Variants in GATAD2B observed in about 807,000 individuals in gnomAD.
GATAD2B encodes the protein GATA zinc finger domain containing 2B, also known as transcriptional repressor p66-beta.
A neutral mutation model predicts 64.3 loss-of-function variants in GATAD2B; 8 were observed. That is an observed-to-expected ratio of 0.12 (90% CI 0.07 to 0.22). The LOEUF (loss-of-function observed/expected upper bound fraction) is 0.22, where lower values mean the gene tolerates loss of function less well. GATAD2B is among the 10% of genes least tolerant of loss of function. The pLI is 1.00. For missense variants in GATAD2B, 453 were observed against 752.0 expected, an observed-to-expected ratio of 0.60 and a Z score of 4.65; for synonymous variants, 281 against 271.3, an observed-to-expected ratio of 1.04 and a Z score of -0.35.
chr1:153,845,714 C>T (rs1017681950), intron 1 of GATAD2B, among the ~76,000 whole-genome samples: 5 of 151,960 alleles, frequency 3.3e-5, no homozygotes, highest in Non-Finnish European at 7.4e-5. Flanking sequence ...TGAGCAATTG[C>T]ACCACTGCAC....
At chr1:153,889,275 G>C (rs1303418440) in intron 1 of GATAD2B, among the ~76,000 whole-genome samples, 2 of 151,848 alleles carry the variant, frequency 1.3e-5, no homozygotes, top group East Asian at 3.8e-4. Flanking sequence ...AGCAGGGCGT[G>C]GTGGCACATC....
intron 2 of GATAD2B, among the ~76,000 whole-genome samples, chr1:153,823,473 G>A (rs1674754311): frequency 6.6e-6 from 1 of 152,166 alleles, no homozygotes; most frequent in African/African-American, 2.4e-5. Flanking sequence ...TTATGACATG[G>A]CTATTATGTT....
intron 1 of GATAD2B, among the ~76,000 whole-genome samples, chr1:153,913,142 G>A (rs1429513548): frequency 6.6e-6 from 1 of 151,942 alleles, no homozygotes; most frequent in Non-Finnish European, 1.5e-5. Flanking sequence ...TGGCCAGGCT[G>A]GTCTGGAACT....
chr1:153,852,650 G>A (rs1189613282), intron 1 of GATAD2B: 3 of 852,468 alleles, frequency 3.5e-6, no homozygotes, highest in Non-Finnish European at 2.1e-6. Flanking sequence ...CAGAAGAACG[G>A]AGCTGAGAAA....
At chr1:153,815,243 A>G (rs1358776419) in intron 7 of GATAD2B, among the ~76,000 whole-genome samples, 3 of 141,176 alleles carry the variant, frequency 2.1e-5, no homozygotes, top group Non-Finnish European at 4.6e-5. Flanking sequence ...ACTGCACTCA[A>G]GCCTGGACAA....
At chr1:153,833,201 T>G (rs6427300) in intron 1 of GATAD2B, among the ~76,000 whole-genome samples, 62,404 of 151,734 alleles carry the variant, frequency 0.41, 13,947 homozygotes, top group Non-Finnish European at 0.52. Flanking sequence ...CTGGACAACA[T>G]AGCAAGACTC....
intron 1 of GATAD2B, among the ~76,000 whole-genome samples, chr1:153,878,194 G>A (rs1263159047): frequency 6.6e-6 from 1 of 151,046 alleles, no homozygotes; most frequent in Non-Finnish European, 1.5e-5. Context: ...TTTGAGACAG[G>A]GTCTCACTTT....
chr1:153,849,432 CA>C (rs1675810145), intron 1 of GATAD2B, among the ~76,000 whole-genome samples: 1 of 152,208 alleles, frequency 6.6e-6, no homozygotes, highest in Non-Finnish European at 1.5e-5. Flanking sequence ...CAAACATTCA[CA>C]AGATAGCAGA....
chr1:153,881,776 T>A (rs1677018136), intron 1 of GATAD2B, among the ~76,000 whole-genome samples: 1 of 137,248 alleles, frequency 7.3e-6, no homozygotes, highest in African/African-American at 2.5e-5. Flanking sequence ...GGGTTTAGGT[T>A]TTTTTCGTGT....
At chr1:153,852,361 G>A (rs757273897) in intron 1 of GATAD2B, 5 of 878,404 alleles carry the variant, frequency 5.7e-6, no homozygotes, top group African/African-American at 1.6e-5. Context: ...GATGTCGCCT[G>A]CCATCACCCT....
Position 153,918,705 on chromosome 1 carries a change from C to A in GATAD2B, c.-2+4028G>T, listed in dbSNP as rs570932489. ...AATGGCTCCATGCCTGTAATCCCAG[C>A]ACTTTGGGAGGCTGAGGTGGGCAGA... On this transcript the variant is annotated intron_variant, in intron 1 of 10. Transcript: ENST00000368655. Among the ~76,000 whole-genome samples, 12 of 152,264 alleles carry A rather than the reference C, an allele frequency of 7.9e-5. No homozygotes were observed. The South Asian group carries it at 2.5e-3, about 32-fold the overall frequency.
At chr1:153,862,939 A>G (rs1676362140) in intron 1 of GATAD2B, among the ~76,000 whole-genome samples, 1 of 150,302 alleles carries the variant, frequency 6.7e-6, no homozygotes, top group Non-Finnish European at 1.5e-5. Flanking sequence ...GGTCAGGCTG[A>G]TCTCAAACTC....
chr1:153,892,266 A>G (rs1677437160), intron 1 of GATAD2B, among the ~76,000 whole-genome samples: 1 of 152,106 alleles, frequency 6.6e-6, no homozygotes, highest in Admixed American at 6.6e-5. Context: ...CAAGAGTAAA[A>G]CAGGTAACAA....
intron 8 of GATAD2B, 65 bp downstream of exon 8, chr1:153,813,185 G>A: frequency 7.8e-7 from 1 of 1,281,556 alleles, no homozygotes; most frequent in Non-Finnish European, 1.1e-6. Context: ...CTGCAAACTA[G>A]AAGGCGCGAC....
intron 7 of GATAD2B, among the ~76,000 whole-genome samples, chr1:153,815,297 A>AAAAAAAAAAAAAG (rs1674438675): frequency 4.0e-5 from 6 of 148,580 alleles, no homozygotes; most frequent in Non-Finnish European, 7.5e-5. Context: ...AAAAAACAAA[A>AAAAAAAAAAAAAG]AAAAAAAAAA....
rs1423240193 is a variant in GATAD2B, at chr1:153,892,308, G to C, written c.-2+30425C>G. Among the ~76,000 whole-genome samples the C allele has an allele frequency of 3.9e-5, 6 of 152,080 alleles. No homozygotes were observed. In the East Asian group the frequency reaches 1.2e-3, roughly 29 times the overall value. ...TATAGTATATAGAACACTACCACTA[G>C]TTAAGGTAAGACACACTAAAGGCTA... On this transcript the variant is annotated intron_variant, in intron 1 of 10. Transcript: ENST00000368655.
At chr1:153,897,669 C>A (rs1341726254) in intron 1 of GATAD2B, among the ~76,000 whole-genome samples, 2 of 152,032 alleles carry the variant, frequency 1.3e-5, no homozygotes, top group East Asian at 3.9e-4. Flanking sequence ...TCTATAGGGA[C>A]CCAGAATTTA....
chr1:153,868,529 A>C (rs1277962042), intron 1 of GATAD2B, among the ~76,000 whole-genome samples: 4 of 152,074 alleles, frequency 2.6e-5, no homozygotes, highest in Non-Finnish European at 5.9e-5. Flanking sequence ...TAAAAAATTT[A>C]AAGTCTTTAA....
chr1:153,873,948 G>C (rs2101932514), intron 1 of GATAD2B, among the ~76,000 whole-genome samples: 1 of 149,608 alleles, frequency 6.7e-6, no homozygotes, highest in East Asian at 2.0e-4. Flanking sequence ...AAATAAAAAG[G>C]AAAGAGGAAA....
Sources: gnomAD v4.1 joint callset for allele counts (sites outside exome capture counted in the v4.1 genomes callset) on GRCh38, gnomAD v4.1.1 for gene constraint, MANE v1.5 for transcripts, NCBI Gene and HGNC (gene_info 2026-07-23, HGNC 2026-07-21) for gene names.